The following TCF4 variants were observed in gnomAD, a reference collection of about 807,000 sequenced individuals.
TCF4 encodes the protein SL3-3 enhancer factor 2.
A neutral mutation model predicts 82.1 loss-of-function variants in TCF4; 3 were observed. The ratio of observed to expected loss-of-function variants is 0.04; its 90% CI spans 0.02 to 0.09. The LOEUF (loss-of-function observed/expected upper bound fraction) is 0.09. TCF4 is among the 10% of genes least tolerant of loss of function. The pLI is 1.00. For missense variants in TCF4, 518 were observed against 852.7 expected (o/e 0.61, Z 4.89); for synonymous variants, 276 against 309.6 (o/e 0.89, Z 1.14).
At chr18:55,566,607 C>A (rs551373076) in intron 3 of TCF4, among the ~76,000 whole-genome samples, 2 of 152,200 alleles carry the variant, frequency 1.3e-5, no homozygotes, top group South Asian at 4.2e-4. Context: ...AAAAATTAAT[C>A]ATTGCATTAG....
At chr18:55,529,218 T>C (rs1285857114) in intron 3 of TCF4, among the ~76,000 whole-genome samples, 2 of 152,148 alleles carry the variant, frequency 1.3e-5, no homozygotes, top group African/African-American at 4.8e-5. Flanking sequence ...AAACTCTTTT[T>C]AGAAAGTATG....
chr18:55,558,842 TA>T (rs1412737105), intron 3 of TCF4, among the ~76,000 whole-genome samples: 2 of 152,102 alleles, frequency 1.3e-5, no homozygotes, highest in African/African-American at 4.8e-5. Flanking sequence ...AAAGTGACTT[TA>T]ATGCATTCTA....
chr18:55,619,412 T>G (rs1211069581), intron 2 of TCF4, among the ~76,000 whole-genome samples: 3 of 152,182 alleles, frequency 2.0e-5, no homozygotes, highest in African/African-American at 7.2e-5. Context: ...TACTGGTAAT[T>G]TGTGGCTTTT....
intron 8 of TCF4, among the ~76,000 whole-genome samples, chr18:55,298,652 A>T (rs1300750400): frequency 6.6e-6 from 1 of 152,248 alleles, no homozygotes; most frequent in Non-Finnish European, 1.5e-5. Flanking sequence ...TGTGCATTAA[A>T]TATCAGGCAA....
intron 3 of TCF4, among the ~76,000 whole-genome samples, chr18:55,524,951 G>T (rs901460921): frequency 6.6e-6 from 1 of 152,180 alleles, no homozygotes; most frequent in Non-Finnish European, 1.5e-5. Context: ...TGTGTGACAA[G>T]ATCAGTTCAT....
intron 8 of TCF4, among the ~76,000 whole-genome samples, chr18:55,332,530 T>C (rs2077781889): frequency 6.6e-6 from 1 of 152,176 alleles, no homozygotes. Context: ...AGCTCTGTGT[T>C]TATTAGTCTG....
intron 6 of TCF4, among the ~76,000 whole-genome samples, chr18:55,393,089 G>A (rs1210305395): frequency 1.3e-5 from 2 of 152,208 alleles, no homozygotes; most frequent in African/African-American, 4.8e-5. Flanking sequence ...TGTTGGCTGG[G>A]TGCAGTGGCT....
At chr18:55,311,622 C>T (rs2072484102) in intron 8 of TCF4, among the ~76,000 whole-genome samples, 1 of 152,136 alleles carries the variant, frequency 6.6e-6, no homozygotes, top group African/African-American at 2.4e-5. Context: ...CCATTGACAC[C>T]CATGATCACT....
chr18:55,622,015 TTATATACAC>T (rs2097721405), intron 2 of TCF4, among the ~76,000 whole-genome samples: 1 of 131,398 alleles, frequency 7.6e-6, no homozygotes, highest in South Asian at 2.2e-4. Flanking sequence ...ACTATATATA[TTATATACAC>T]TATATATTAT....
chr18:55,587,630 T>C (rs2097663468), intron 1 of TCF4, among the ~76,000 whole-genome samples: 1 of 151,176 alleles, frequency 6.6e-6, no homozygotes, highest in South Asian at 2.1e-4. Context: ...ACCACTCCCC[T>C]CCGCTTTTCA....
At chr18:55,381,527 T>C (rs2091897239) in intron 6 of TCF4, among the ~76,000 whole-genome samples, 1 of 152,246 alleles carries the variant, frequency 6.6e-6, no homozygotes, top group Non-Finnish European at 1.5e-5. Flanking sequence ...CAGCATAAAG[T>C]GTGGCATATA....
rs542821232 is a variant in TCF4, at chr18:55,455,440, T to C, written c.304+5579A>G. Among the ~76,000 whole-genome samples, 283 of 151,630 alleles carry C rather than the reference T, an allele frequency of 1.9e-3. 2 individuals are homozygous for C. Among genetic ancestry groups the C allele is most frequent in the Admixed American group, 4.2e-3 (64 of 15,236 alleles). On this transcript the variant is annotated intron_variant, in intron 5 of 19. Coordinates refer to ENST00000354452, the MANE Select transcript of TCF4 (RefSeq NM_001083962.2). ...ATCAAATAAGACCACAATTAATAATTTCCTTTCTCAGAAATTACTTGTGCC... is the reference window on the plus strand; with the variant it reads ...ATCAAATAAGACCACAATTAATAATCTCCTTTCTCAGAAATTACTTGTGCC...
At chr18:55,624,797 A>G (rs1174669681) in intron 2 of TCF4, among the ~76,000 whole-genome samples, 1 of 152,138 alleles carries the variant, frequency 6.6e-6, no homozygotes, top group Non-Finnish European at 1.5e-5. Flanking sequence ...TAGCCATCTA[A>G]AAAGCACTTT....
chr18:55,493,870 C>T (rs147079759), intron 3 of TCF4, among the ~76,000 whole-genome samples: 2 of 152,146 alleles, frequency 1.3e-5, no homozygotes, highest in African/African-American at 2.4e-5. Context: ...TTTATTTCCC[C>T]AGGTCAAAGA....
intron 6 of TCF4, 188 bp from the exon 7 acceptor site, chr18:55,351,191 T>C: frequency 1.5e-6 from 1 of 651,404 alleles, no homozygotes; most frequent in Admixed American, 3.1e-5. Flanking sequence ...TTGTGAATTT[T>C]TAATTCTTTA....
chr18:55,621,728 T>A (rs1163326695), intron 2 of TCF4, among the ~76,000 whole-genome samples: 3 of 85,840 alleles, frequency 3.5e-5, no homozygotes, highest in Non-Finnish European at 6.2e-5. Flanking sequence ...ATTATATTTA[T>A]AATTATACAA....
At chr18:55,380,778 C>T (rs990266043) in intron 6 of TCF4, among the ~76,000 whole-genome samples, 5 of 152,192 alleles carry the variant, frequency 3.3e-5, no homozygotes, top group Non-Finnish European at 7.3e-5. Flanking sequence ...AAACAGCCCA[C>T]GCAATGCCTA....
chr18:55,516,590 T>C (rs998936044), intron 3 of TCF4, among the ~76,000 whole-genome samples: 1 of 152,078 alleles, frequency 6.6e-6, no homozygotes, highest in African/African-American at 2.4e-5. Context: ...ATGGTGAGCA[T>C]TAGAAGAGGA....
chr18:55,537,368 T>C (rs975270282), intron 3 of TCF4, among the ~76,000 whole-genome samples: 7 of 151,834 alleles, frequency 4.6e-5, no homozygotes, highest in East Asian at 3.9e-4. Context: ...GGTGGGCAGA[T>C]TGCTTGAGCT....
Sources: gnomAD v4.1 joint callset for allele counts (sites outside exome capture counted in the v4.1 genomes callset) on GRCh38, gnomAD v4.1.1 for gene constraint, MANE v1.5 for transcripts, NCBI Gene and HGNC (gene_info 2026-07-23, HGNC 2026-07-21) for gene names.